The following TENM1 variants were observed in gnomAD, a reference collection of about 807,000 sequenced individuals.
TENM1 encodes the protein teneurin transmembrane protein 1.
A neutral mutation model predicts 174.8 loss-of-function variants in TENM1; 35 were observed. That is an observed-to-expected ratio of 0.20 (90% CI 0.15 to 0.27). The LOEUF is 0.27. Ranked by LOEUF, TENM1 falls within the 10% of genes least tolerant of loss-of-function variation. The probability of loss-of-function intolerance (pLI) is 1.00; values close to 1 mark genes in which losing one functional copy is unlikely to be tolerated. For synonymous variants in TENM1, 781 were observed against 798.7 expected (o/e 0.98, Z 0.37); for missense variants, 1,633 against 2,130.1 (o/e 0.77, Z 4.59).
chrX:124,383,547 T>C (rs1233286996), intron 30 of TENM1, 87 bp downstream of exon 33: 4 of 860,831 alleles, frequency 4.6e-6, no homozygotes, highest in Non-Finnish European at 6.5e-6. Flanking sequence ...AGAGGAAGCA[T>C]ATTTACAAAG....
the TENM1 span, among the ~76,000 whole-genome samples, chrX:125,107,326 A>G: frequency 8.9e-6 from 1 of 112,622 alleles, no homozygotes; most frequent in Non-Finnish European, 1.9e-5. Context: ...TTATTTTACT[A>G]CATTTGGAAG....
chrX:125,147,785 C>T, the TENM1 span, among the ~76,000 whole-genome samples: 2 of 111,701 alleles, frequency 1.8e-5, no homozygotes, highest in African/African-American at 6.5e-5. Flanking sequence ...CAGCCAAGAG[C>T]AAGAGAAAAC....
chrX:124,478,671 T>C (rs1020752559), intron 22 of TENM1, among the ~76,000 whole-genome samples: 2 of 112,077 alleles, frequency 1.8e-5, no homozygotes, highest in African/African-American at 6.5e-5. Flanking sequence ...TCCCTAGATG[T>C]ACATTTCCAT....
chrX:124,876,257 T>A (rs2057199378), intron 3 of TENM1, among the ~76,000 whole-genome samples: 1 of 111,753 alleles, frequency 8.9e-6, no homozygotes, highest in African/African-American at 3.2e-5. Context: ...AAAATGTTGG[T>A]TTTTATCAAA....
chrX:125,050,635 T>G, the TENM1 span, among the ~76,000 whole-genome samples: 3 of 111,787 alleles, frequency 2.7e-5, no homozygotes, highest in African/African-American at 9.8e-5. Flanking sequence ...TGTGCATGTG[T>G]CTTTATAGCA....
intron 11 of TENM1, among the ~76,000 whole-genome samples, chrX:124,587,201 A>G (rs1478429718): frequency 3.6e-5 from 4 of 110,334 alleles, no homozygotes; most frequent in Non-Finnish European, 7.6e-5. Context: ...TAAAGTTCAT[A>G]TGGAACCAAA....
chrX:124,821,771 A>T (rs2147296474), intron 3 of TENM1, among the ~76,000 whole-genome samples: 1 of 111,914 alleles, frequency 8.9e-6, no homozygotes, highest in African/African-American at 3.2e-5. Context: ...AAGCTAAGAG[A>T]GTTTTACTCA....
chrX:125,140,276 C>T, the TENM1 span, among the ~76,000 whole-genome samples: 1 of 111,881 alleles, frequency 8.9e-6, no homozygotes, highest in African/African-American at 3.2e-5. Context: ...AATAAAATGT[C>T]ATTTGCAGAA....
At chrX:124,708,842 A>T (rs1324965877) in intron 4 of TENM1, among the ~76,000 whole-genome samples, 1 of 111,850 alleles carries the variant, frequency 8.9e-6, no homozygotes, top group Non-Finnish European at 1.9e-5. Flanking sequence ...ACTAAGATAA[A>T]AAAAAAGATT....
intron 11 of TENM1, among the ~76,000 whole-genome samples, chrX:124,586,959 T>C (rs1331293101): frequency 1.8e-5 from 2 of 110,663 alleles, no homozygotes; most frequent in African/African-American, 6.6e-5. Flanking sequence ...GAGAATAAAA[T>C]ACCTTGGAAT....
At chrX:124,513,032 T>C (rs929371342) in intron 18 of TENM1, among the ~76,000 whole-genome samples, 1 of 111,855 alleles carries the variant, frequency 8.9e-6, no homozygotes, top group Non-Finnish European at 1.9e-5. Flanking sequence ...TCATGTCTTA[T>C]ATTAGTTTCC....
intron 3 of TENM1, among the ~76,000 whole-genome samples, chrX:124,782,792 C>T (rs2054944813): frequency 9.0e-6 from 1 of 110,947 alleles, no homozygotes; most frequent in Non-Finnish European, 1.9e-5. Context: ...TTATAACCTC[C>T]GAGACTCTTA....
chrX:125,153,174 A>G, the TENM1 span, among the ~76,000 whole-genome samples: 1 of 112,154 alleles, frequency 8.9e-6, no homozygotes, highest in Non-Finnish European at 1.9e-5. Flanking sequence ...TCCTTAAGAC[A>G]TATGACTTTG....
At chrX:125,127,776 C>G in the TENM1 span, among the ~76,000 whole-genome samples, 1 of 110,794 alleles carries the variant, frequency 9.0e-6, no homozygotes, top group African/African-American at 3.3e-5. Context: ...TCCTTTAGCC[C>G]AATGGGAAGC....
At chrX:124,729,461 T>G (rs747679578) in intron 4 of TENM1, among the ~76,000 whole-genome samples, 1 of 112,276 alleles carries the variant, frequency 8.9e-6, no homozygotes, top group Non-Finnish European at 1.9e-5. Flanking sequence ...CACAATAACA[T>G]AAGTAGTTTA....
intron 3 of TENM1, among the ~76,000 whole-genome samples, chrX:124,797,678 GT>G (rs200300530): frequency 1.9e-3 from 189 of 100,945 alleles, no homozygotes; most frequent in Admixed American, 2.8e-3. Context: ...AGCCGTAAAG[GT>G]TTTTTTTTTT....
chrX:124,441,367 T>C (rs1436821198), intron 23 of TENM1, among the ~76,000 whole-genome samples: 1 of 112,693 alleles, frequency 8.9e-6, no homozygotes, highest in Non-Finnish European at 1.9e-5. Context: ...GAAAGTTTGC[T>C]CATTTTTATT....
At chrX:125,098,589 G>T in the TENM1 span, among the ~76,000 whole-genome samples, 1 of 112,073 alleles carries the variant, frequency 8.9e-6, no homozygotes, top group Admixed American at 9.5e-5. Context: ...ACAACAACAA[G>T]AAAATGCAAA....
chrX:124,537,705 C>G (rs2048234954), intron 15 of TENM1, among the ~76,000 whole-genome samples: 1 of 111,863 alleles, frequency 8.9e-6, no homozygotes, highest in South Asian at 3.8e-4. Context: ...TCTTTCTTCC[C>G]AAACTTGCAT....
Sources: allele counts gnomAD v4.1 joint callset (sites outside exome capture counted in the v4.1 genomes callset), GRCh38; gene constraint gnomAD v4.1.1; transcripts MANE v1.5; gene names NCBI Gene and HGNC (gene_info 2026-07-23, HGNC 2026-07-21).